GPR153: variants seen among roughly 807,000 people sequenced by gnomAD.
The protein encoded by GPR153 is G protein-coupled receptor 153.
In GPR153, 27 loss-of-function variants were observed where a neutral mutation model predicts 34.1. The observed-to-expected ratio is 0.79, with a 90% CI of 0.58 to 1.09. The LOEUF (loss-of-function observed/expected upper bound fraction) is 1.09. Ranked by LOEUF, GPR153 falls within the 50% of genes least tolerant of loss-of-function variation. The pLI is 0.00. For synonymous variants in GPR153, 408 were observed against 405.4 expected, an observed-to-expected ratio of 1.01 and a Z score of -0.08; for missense variants, 848 against 860.2, an observed-to-expected ratio of 0.99 and a Z score of 0.18.
intron 5 of GPR153, 75 bp from the exon 6 acceptor site, chr1:6,250,078 G>A: frequency 2.4e-6 from 3 of 1,275,766 alleles, no homozygotes; most frequent in Non-Finnish European, 3.0e-6. Context: ...CCACCCTGGG[G>A]AAAGGCCTTC....
At position 6,254,999 on chromosome 1, in the gene GPR153, T is replaced by C. The variant is rs1376267872; in HGVS notation, c.-94A>G. 3.3e-6 allele frequency: 3 copies of C among 922,072 alleles called. No individual in the cohort carries two copies. Among genetic ancestry groups the C allele is most frequent in the East Asian group, 2.8e-5 (1 of 36,012 alleles). 57.1% of individuals were successfully genotyped at this position (922,072 alleles called of 1,614,324 possible). A position where few individuals can be genotyped will look rare whatever the true frequency, so the allele number is the denominator to read the frequency against. On this transcript the variant is annotated 5_prime_UTR_variant, in exon 2 of 6. Coordinates refer to ENST00000377893, the MANE Select transcript of GPR153 (RefSeq NM_207370.4). Reference sequence around the variant, plus strand: ...CTCACTCCTGGTGGCTCAAGGATGCTGGGGACCACGAGCATCTGTGGGGGG... The same window carrying C: ...CTCACTCCTGGTGGCTCAAGGATGCCGGGGACCACGAGCATCTGTGGGGGG...
intron 3 of GPR153, among the ~76,000 whole-genome samples, chr1:6,253,159 A>C (rs1432751476): frequency 6.6e-6 from 1 of 152,202 alleles, no homozygotes; most frequent in African/African-American, 2.4e-5. Flanking sequence ...TGGGAGGCTG[A>C]GATGGGCAGA....
Position 6,253,890 on chromosome 1 carries a change from C to T in GPR153, c.614G>A (p.Arg205His), listed in dbSNP as rs767669310. ...GGTGAAGGCGCGGCGGTCGGCCTGG[C>T]GCCCCACCTGCACGGCCAGCGTCTG... ...LFQTLAVQVG[R>H]QADRRAFTVP... The change falls in exon 3 of 6, where the codon CGC (arginine) becomes CAC (histidine). Residue 205 changes from arginine to histidine, a missense_variant. Arg to His is a conservative substitution (Grantham distance 29). Transcript: ENST00000377893. The T allele has an allele frequency of 6.2e-6, 10 of 1,604,560 alleles. No homozygotes were observed. Among genetic ancestry groups the T allele is most frequent in the Admixed American group, 3.4e-5 (2 of 59,094 alleles).
chr1:6,251,889 G>A lies in GPR153; in HGVS notation c.787-359C>T, dbSNP rs1284958082. Among the ~76,000 whole-genome samples the A allele has an allele frequency of 1.3e-5, 2 of 152,146 alleles. No homozygotes were observed. The highest frequency in any genetic ancestry group is 2.9e-5 in the Non-Finnish European group (2 of 68,024). ...TGGCTCACTGCAGCCTCCATCTCCTGGGCTTAAGAGATCCTCCTGCCTCGG... is the reference window on the plus strand; with the variant it reads ...TGGCTCACTGCAGCCTCCATCTCCTAGGCTTAAGAGATCCTCCTGCCTCGG... On this transcript the variant is annotated intron_variant, in intron 3 of 5. Coordinates refer to ENST00000377893, the MANE Select transcript of GPR153 (RefSeq NM_207370.4). The surrounding 1 kb of genome is among the most constrained non-coding windows in gnomAD (Gnocchi z 4.9).
chr1:6,249,416 G>A lies in GPR153; in HGVS notation c.1752C>T (p.Thr584=). 1.5e-6 allele frequency: 2 copies of A among 1,375,966 alleles called. No individual in the cohort carries two copies. Among genetic ancestry groups the A allele is most frequent in the East Asian group, 3.1e-5 (1 of 32,628 alleles). The allele number at this position is 1,375,966 out of a possible 1,614,324, so 85.2% of individuals were successfully genotyped here. A position where few individuals can be genotyped will look rare whatever the true frequency, so the allele number is the denominator to read the frequency against. ...CGGAGGGGGAACTCAGGAAGCTGCTGGTGCTGCCGCCGCCGCCCGCCGCGC... is the reference window on the plus strand; with the variant it reads ...CGGAGGGGGAACTCAGGAAGCTGCTAGTGCTGCCGCCGCCGCCCGCCGCGC... ...GLRAAGGGGS[T]SSFLSSPSES... Residue 584 remains threonine, a synonymous_variant, in exon 6 of 6, where the codon ACC becomes ACT. Coordinates refer to ENST00000377893, the MANE Select transcript of GPR153 (RefSeq NM_207370.4). The surrounding 1 kb of genome is among the most constrained non-coding windows in gnomAD (Gnocchi z 4.3).
At chr1:6,252,964 C>A (rs1638482060) in intron 3 of GPR153, among the ~76,000 whole-genome samples, 1 of 152,186 alleles carries the variant, frequency 6.6e-6, no homozygotes, top group African/African-American at 2.4e-5. Flanking sequence ...ACATTTGAGG[C>A]CCGCCCTGGC....
chr1:6,250,098 G>A, intron 5 of GPR153, 95 bp from the exon 6 acceptor site: 1 of 1,295,040 alleles, frequency 7.7e-7, no homozygotes, highest in Admixed American at 3.9e-5. Context: ...CCGTGGGTCA[G>A]GGACCAGGCT....
In GPR153 at chr1:6,250,561, T is replaced by G. The variant is rs755624084; in HGVS notation, c.1043A>C (p.Tyr348Ser). 3.8e-6 allele frequency: 6 copies of G among 1,593,866 alleles called. No individual in the cohort carries two copies. In the African/African-American group the frequency reaches 8.2e-5, roughly 22 times the overall value. ...ATCTAGGGCCACAAAATCACCTCCA[T>G]AGCCATAGTCCAGGGAGCGCTCCAA... ...LVLERSLDYG[Y>S]GGDFVALDRM... Residue 348 changes from tyrosine to serine, a missense_variant, in exon 5 of 6, where the codon TAT (tyrosine) becomes TCT (serine). Tyr to Ser is a moderately radical substitution (Grantham distance 144). Coordinates refer to ENST00000377893, the MANE Select transcript of GPR153 (RefSeq NM_207370.4).
chr1:6,250,010 G>A lies in GPR153; in HGVS notation c.1165-7C>T. 8.0e-7 allele frequency: 1 copy of A among 1,257,154 alleles called. No individual in the cohort carries two copies. Among genetic ancestry groups the A allele is most frequent in the Non-Finnish European group, 1.0e-6 (1 of 994,498 alleles). 77.9% of individuals were successfully genotyped at this position (1,257,154 alleles called of 1,614,324 possible). On this transcript the variant is annotated splice_region_variant and splice_polypyrimidine_tract_variant and intron_variant, in intron 5 of 5. Transcript: ENST00000377893. ...AGCGCCGCGTGGGCGGGACCTGTCA[G>A]GACGCGGCTGGCTTTTACCCCGAGC...
At position 6,251,070 on chromosome 1, in the gene GPR153, T is replaced by C. The variant is rs148258266; in HGVS notation, c.979+268A>G. ...GAGCCCAGGAGCTCCGCTGGAGCAC[T>C]TGCAGACATGTCTACCCTGCTCTCT... On this transcript the variant is annotated intron_variant, in intron 4 of 5. Coordinates refer to ENST00000377893, the MANE Select transcript of GPR153 (RefSeq NM_207370.4). This position sits in a 1 kb window ranked among gnomAD's most constrained non-coding sequence, Gnocchi z 4.9. 2.0e-3 allele frequency among the ~76,000 whole-genome samples: 304 copies of C among 152,218 alleles called. 2 individuals carry two copies. The highest frequency in any genetic ancestry group is 7.0e-3 in the African/African-American group (290 of 41,528).
chr1:6,249,493 C>T lies in GPR153; in HGVS notation c.1675G>A (p.Gly559Ser), dbSNP rs1209939938. 1.5e-5 allele frequency: 19 copies of T among 1,276,460 alleles called. No homozygotes were observed. Among genetic ancestry groups the T allele is most frequent in the Non-Finnish European group, 1.6e-5 (16 of 1,017,224 alleles). The allele number at this position is 1,276,460 out of a possible 1,614,324, so 79.1% of individuals were successfully genotyped here. ...GCGCTCAGGCCGGGGCGCAGAGAGCCGGCGTGCGAGTGCGCAGAGGGGCGT... is the reference window on the plus strand; with the variant it reads ...GCGCTCAGGCCGGGGCGCAGAGAGCTGGCGTGCGAGTGCGCAGAGGGGCGT... ...GPRPSAHSHA[G>S]SLRPGLSASW... The change falls in exon 6 of 6, where the codon GGC (glycine) becomes AGC (serine). Residue 559 changes from glycine (G) to serine (S), a missense_variant. Gly to Ser is a moderately conservative substitution (Grantham distance 56). Coordinates refer to ENST00000377893, the MANE Select transcript of GPR153 (RefSeq NM_207370.4). This position sits in a 1 kb window ranked among gnomAD's most constrained non-coding sequence, Gnocchi z 4.3.
At position 6,254,607 on chromosome 1, in the gene GPR153, G is replaced by C. The variant is rs139959780; in HGVS notation, c.299C>G (p.Ser100Cys). The change falls in exon 2 of 6, where the codon TCT becomes TGT. Residue 100 changes from serine to cysteine, a missense_variant. By Grantham distance (112) the Ser-to-Cys change is moderately radical. Transcript: ENST00000377893. ...GCGGTGGTAGGAGAGGGAGGTGACA[G>C]AGAAACAGGTGGCCAGGGTGAGGGT... is the stretch of plus-strand genomic sequence containing the variant. ...FYTLTLATCF[S>C]VTSLSYHRMW... 3 of 1,608,630 alleles carry C rather than the reference G, an allele frequency of 1.9e-6. No homozygotes were observed. Among genetic ancestry groups the C allele is most frequent in the African/African-American group, 2.7e-5 (2 of 74,996 alleles).
At chr1:6,259,941 G>A (rs979441308) in intron 1 of GPR153, among the ~76,000 whole-genome samples, 1 of 151,642 alleles carries the variant, frequency 6.6e-6, no homozygotes, top group Non-Finnish European at 1.5e-5. Context: ...CCTGTCTTCT[G>A]CTGGGAAGTT....
Position 6,251,749 on chromosome 1 carries a change from G to C in GPR153, c.787-219C>G, listed in dbSNP as rs1638454289. 6.6e-6 allele frequency among the ~76,000 whole-genome samples: 1 copy of C among 152,224 alleles called. No homozygotes were observed. The highest frequency in any genetic ancestry group is 1.5e-5 in the Non-Finnish European group (1 of 68,034). ...GGGCAGCACTGGGTGGCCTTGCTCT[G>C]TCTTCCTCCTGGCTGCCCATGGAGA... On this transcript the variant is annotated intron_variant, in intron 3 of 5. Coordinates refer to ENST00000377893, the MANE Select transcript of GPR153 (RefSeq NM_207370.4). This position sits in a 1 kb window ranked among gnomAD's most constrained non-coding sequence, Gnocchi z 4.9.
Position 6,253,638 on chromosome 1 carries a change from T to C in GPR153, c.786+80A>G. 3 of 1,290,104 alleles carry C rather than the reference T, an allele frequency of 2.3e-6. No individual in the cohort carries two copies. The South Asian group carries it at 4.5e-5, about 19-fold the overall frequency. The allele number at this position is 1,290,104 out of a possible 1,614,324, so 79.9% of individuals were successfully genotyped here. ...ATCTCAAAGGATTGGGTCTGAGGAC[T>C]CAACCACCTGATGCCTGGAGTATGA... On this transcript the variant is annotated intron_variant, in intron 3 of 5. Coordinates refer to ENST00000377893, the MANE Select transcript of GPR153 (RefSeq NM_207370.4).
At chr1:6,256,834 G>A (rs113555267) in intron 1 of GPR153, among the ~76,000 whole-genome samples, 3,056 of 152,026 alleles carry the variant, frequency 0.02, 113 homozygotes, top group African/African-American at 0.07. Flanking sequence ...GAGTTACTGC[G>A]TCTTAAGTAC....
intron 5 of GPR153, 111 bp from the exon 6 acceptor site, chr1:6,250,114 C>T: frequency 1.5e-6 from 2 of 1,311,266 alleles, no homozygotes; most frequent in Non-Finnish European, 1.9e-6. Context: ...AGGCTGCGCG[C>T]TGGGGCAGTC....
rs776354779 is a variant in GPR153 at position 6,249,356 on chromosome 1, C to T, written c.1812G>A (p.Ser604=). 1.6e-5 allele frequency: 21 copies of T among 1,322,700 alleles called. No individual in the cohort carries two copies. In the South Asian group the frequency reaches 3.4e-4, roughly 22 times the overall value. The allele number at this position is 1,322,700 out of a possible 1,614,324, so 81.9% of individuals were successfully genotyped here. ...SSGYATLHSD[S]LGSAS The stretch of plus-strand genomic sequence containing the variant: ...GGCGGTCCTAGGACGCGGAGCCCAG[C>T]GAGTCCGAGTGCAGCGTGGCGTAGC... The change falls in exon 6 of 6, where the codon TCG becomes TCA. Residue 604 remains serine (S), a synonymous_variant. Transcript: ENST00000377893. The surrounding 1 kb of genome is among the most constrained non-coding windows in gnomAD (Gnocchi z 4.3).
chr1:6,255,769 C>T (rs1638557602), intron 1 of GPR153, among the ~76,000 whole-genome samples: 1 of 151,024 alleles, frequency 6.6e-6, no homozygotes, highest in Non-Finnish European at 1.5e-5. Context: ...TCTCCGGCCT[C>T]AGCCTCCTGA....
Sources: allele counts gnomAD v4.1 joint callset (sites outside exome capture counted in the v4.1 genomes callset), GRCh38; gene constraint gnomAD v4.1.1; non-coding constraint Gnocchi (gnomAD v3.1); transcripts MANE v1.5; gene names NCBI Gene and HGNC (gene_info 2026-07-23, HGNC 2026-07-21).